Variants in VPS8 observed in about 807,000 individuals in gnomAD.
VPS8 encodes vacuolar protein sorting-associated protein 8 homolog.
A neutral mutation model predicts 216.4 loss-of-function variants in VPS8; 129 were observed. The ratio of observed to expected loss-of-function variants is 0.60; its 90% CI spans 0.52 to 0.69. The LOEUF is 0.69. Among genes scored for constraint, VPS8 ranks in the 30% least tolerant of loss-of-function variants. VPS8 has a pLI of 0.00. For synonymous variants in VPS8, 571 were observed against 565.4 expected (o/e 1.01, Z -0.14); for missense variants, 1,531 against 1,683.5 (o/e 0.91, Z 1.59).
intron 15 of VPS8, among the ~76,000 whole-genome samples, chr3:184,860,292 C>G (rs1402009498): frequency 6.6e-6 from 1 of 151,630 alleles, no homozygotes; most frequent in Non-Finnish European, 1.5e-5. Context: ...AGTGATCGCT[C>G]CTGTGACTAG....
intron 24 of VPS8, 136 bp from the exon 25 acceptor site, chr3:184,900,785 A>G: frequency 1.4e-6 from 1 of 722,096 alleles, no homozygotes; most frequent in Non-Finnish European, 2.2e-6. Flanking sequence ...TGTACAGATT[A>G]AAGGTTTTCA....
At chr3:184,960,662 G>A (rs979961510) in intron 37 of VPS8, among the ~76,000 whole-genome samples, 2 of 152,094 alleles carry the variant, frequency 1.3e-5, no homozygotes, top group African/African-American at 4.8e-5. Flanking sequence ...GTATGCTTCA[G>A]GGACCCTCTG....
chr3:184,845,297 C>A (rs550249629), intron 8 of VPS8, among the ~76,000 whole-genome samples: 7 of 152,122 alleles, frequency 4.6e-5, no homozygotes, highest in African/African-American at 1.7e-4. Flanking sequence ...CAAATATTTC[C>A]CAGAATTGTC....
At chr3:185,046,349 A>G (rs1310761015) in intron 46 of VPS8, among the ~76,000 whole-genome samples, 2 of 152,198 alleles carry the variant, frequency 1.3e-5, no homozygotes, top group Non-Finnish European at 2.9e-5. Context: ...GCTTCTGAAT[A>G]TGCAGTAAAA....
At chr3:184,819,809 C>T (rs1377690685) in intron 1 of VPS8, among the ~76,000 whole-genome samples, 4 of 152,146 alleles carry the variant, frequency 2.6e-5, no homozygotes, top group Non-Finnish European at 4.4e-5. Context: ...TACTGTTGAG[C>T]AGAAGCCTTA....
chr3:184,834,831 C>T, intron 5 of VPS8, 89 bp downstream of exon 5: 2 of 1,024,008 alleles, frequency 2.0e-6, no homozygotes, highest in Non-Finnish European at 1.4e-6. Flanking sequence ...CAGCACTTCT[C>T]TTGGCCCGAG....
At chr3:184,886,701 T>C (rs1731338094) in intron 22 of VPS8, among the ~76,000 whole-genome samples, 1 of 152,010 alleles carries the variant, frequency 6.6e-6, no homozygotes, top group Non-Finnish European at 1.5e-5. Flanking sequence ...TGCCTCAGCC[T>C]CCCTAGTAGC....
intron 45 of VPS8, among the ~76,000 whole-genome samples, chr3:185,018,513 G>A (rs561556743): frequency 1.1e-3 from 171 of 152,278 alleles, no homozygotes; most frequent in Admixed American, 2.3e-3. Flanking sequence ...GGGCCTGGGC[G>A]TTGCAAGCAG....
chr3:184,902,621 G>A (rs920094212), intron 25 of VPS8, among the ~76,000 whole-genome samples: 1 of 151,488 alleles, frequency 6.6e-6, no homozygotes, highest in Non-Finnish European at 1.5e-5. Context: ...CACGAGGTCA[G>A]GAGTTCGAGA....
At chr3:184,839,508 G>C in intron 6 of VPS8, 190 bp from the exon 7 acceptor site, 2 of 568,474 alleles carry the variant, frequency 3.5e-6, no homozygotes, top group Non-Finnish European at 3.1e-6. Flanking sequence ...AGTAAATTTA[G>C]AGGGATTCTC....
intron 36 of VPS8, among the ~76,000 whole-genome samples, chr3:184,945,526 T>C (rs1307635548): frequency 6.6e-6 from 1 of 152,146 alleles, no homozygotes; most frequent in Admixed American, 6.5e-5. Flanking sequence ...CCACTCTACC[T>C]TGTCACCACA....
intron 45 of VPS8, among the ~76,000 whole-genome samples, chr3:185,009,888 C>G (rs1754762605): frequency 6.7e-6 from 1 of 148,634 alleles, no homozygotes; most frequent in African/African-American, 2.5e-5. Flanking sequence ...GAGAGCCATA[C>G]AGAGGGCTCC....
At chr3:184,964,970 T>C (rs893355044) in intron 38 of VPS8, among the ~76,000 whole-genome samples, 1 of 152,216 alleles carries the variant, frequency 6.6e-6, no homozygotes, top group Non-Finnish European at 1.5e-5. Context: ...AATTGTTGGA[T>C]CAAATAGCAA....
At position 184,832,689 on chromosome 3, in the gene VPS8, A is replaced by G; in HGVS notation, c.223A>G (p.Thr75Ala). 6.3e-7 allele frequency: 1 copy of G among 1,596,238 alleles called. No individual in the cohort carries two copies. The highest frequency in any genetic ancestry group is 8.5e-7 in the Non-Finnish European group (1 of 1,170,382). Residue 75 changes from threonine (T) to alanine (A), a missense_variant and splice_region_variant, in exon 4 of 48, where the codon ACT becomes GCT. This residue lies in a region of VPS8 where 199 missense variants were observed against 182.2 expected (regional missense o/e 1.09). Coordinates refer to ENST00000625842, the MANE Select transcript of VPS8 (RefSeq NM_001009921.3). ...PPTLESILNE[T>A]DDEDESFILE... ...ATTGATTTATCTTCTTCCAATTTAG[A>G]CTGATGATGAAGATGAGTCTTTTAT...
intron 24 of VPS8, among the ~76,000 whole-genome samples, chr3:184,899,344 A>G (rs6762984): frequency 0.78 from 118,027 of 152,198 alleles, 46,687 homozygotes; most frequent in African/African-American, 0.88. Flanking sequence ...GGCCTCTGCC[A>G]AAGGCATCCA....
intron 34 of VPS8, among the ~76,000 whole-genome samples, chr3:184,935,659 T>C (rs1741478517): frequency 6.6e-6 from 1 of 152,170 alleles, no homozygotes; most frequent in South Asian, 2.1e-4. Flanking sequence ...TAGTCAGTAG[T>C]GTCCAGGAAA....
At chr3:184,876,701 T>C (rs1729341935) in intron 21 of VPS8, among the ~76,000 whole-genome samples, 1 of 152,206 alleles carries the variant, frequency 6.6e-6, no homozygotes, top group Admixed American at 6.5e-5. Flanking sequence ...TTCTTGTCTT[T>C]TACTTGTTCC....
At chr3:184,966,806 C>T in intron 39 of VPS8, 93 bp downstream of exon 39, 1 of 899,694 alleles carries the variant, frequency 1.1e-6, no homozygotes, top group Non-Finnish European at 1.7e-6. Flanking sequence ...GTAATAATTA[C>T]ACTTGCATAT....
chr3:184,824,048 G>T (rs991412651), intron 1 of VPS8: 13 of 152,274 alleles, frequency 8.5e-5, no homozygotes, highest in African/African-American at 2.4e-4. Context: ...GTATTAAATA[G>T]CTAGTTGTTC....
Sources: allele counts gnomAD v4.1 joint callset (sites outside exome capture counted in the v4.1 genomes callset), GRCh38; gene constraint gnomAD v4.1.1; regional missense constraint gnomAD v4.1.1; transcripts MANE v1.5; gene names NCBI Gene and HGNC (gene_info 2026-07-23, HGNC 2026-07-21).